ATP8B3: variants seen among roughly 807,000 people sequenced by gnomAD.
The protein encoded by ATP8B3 is ATPase phospholipid transporting 8B3.
ATP8B3 carries 141 observed loss-of-function variants against 140.9 expected under a neutral mutation model. The observed-to-expected ratio is 1.00, with a 90% confidence interval of 0.87 to 1.15. ATP8B3 has a LOEUF of 1.15. Ranked by LOEUF, ATP8B3 falls within the 50% of genes most tolerant of loss-of-function variation. The pLI is 0.00. For missense variants in ATP8B3, 1,874 were observed against 1,740.6 expected, an observed-to-expected ratio of 1.08 and a Z score of -1.36; for synonymous variants, 765 against 714.6, an observed-to-expected ratio of 1.07 and a Z score of -1.13.
chr19:1,801,395 C>T (rs2068842787), intron 12 of ATP8B3, among the ~76,000 whole-genome samples: 1 of 152,306 alleles, frequency 6.6e-6, no homozygotes, highest in Non-Finnish European at 1.5e-5. Flanking sequence ...AGGTGATTCA[C>T]CCACCTCGGC....
chr19:1,784,722 G>A lies in ATP8B3; in HGVS notation c.3660+97C>T, dbSNP rs562821518. The A allele has an allele frequency of 6.8e-5, 96 of 1,418,884 alleles. No homozygotes were observed. The African/African-American group carries it at 1.2e-3, about 17-fold the overall frequency. 87.9% of individuals were successfully genotyped at this position (1,418,884 alleles called of 1,614,324 possible). A position where few individuals can be genotyped will look rare whatever the true frequency, so the allele number is the denominator to read the frequency against. On this transcript the variant is annotated intron_variant, in intron 28 of 28. Coordinates refer to ENST00000310127, the MANE Select transcript of ATP8B3 (RefSeq NM_138813.4). ...GCCTAGTGTCTTGGAGGGCCGAGAG[G>A]GGCCGGGACACCTTGCAGTCCCTAC...
chr19:1,811,694 C>T lies in ATP8B3; in HGVS notation c.43G>A (p.Gly15Ser), dbSNP rs1437243299. 2 of 1,606,448 alleles carry T rather than the reference C, an allele frequency of 1.2e-6. No individual in the cohort carries two copies. The highest frequency in any genetic ancestry group is 2.7e-5 in the African/African-American group (2 of 74,912). The change falls in exon 2 of 29, where the codon GGC becomes AGC. Residue 15 changes from glycine to serine, a missense_variant. Coordinates refer to ENST00000310127, the MANE Select transcript of ATP8B3 (RefSeq NM_138813.4). ...GGTGGGGCAGGGCTTGGCTCAGGGC[C>T]AGCTCTGGTGCTCCTGGGAGTCTGA... is the stretch of plus-strand genomic sequence containing the variant. Reference protein sequence around the residue: ...PAQTPRSTRAGPEPSPAPPGP... With the variant: ...PAQTPRSTRASPEPSPAPPGP...
Position 1,809,693 on chromosome 19 carries a change from C to T in ATP8B3, c.352G>A (p.Gly118Arg), listed in dbSNP as rs376431598. ...KVQANNRAYN[G>R]QFKEKVILCW... ...AGGATCACCTTCTCCTTGAACTGCC[C>T]GTTGTAGGCACGGTTGTTGGCCTGG... The change falls in exon 4 of 29, where the codon GGG (glycine) becomes AGG (arginine). Residue 118 changes from glycine (G) to arginine (R), a missense_variant. Around this residue, in one of 3 missense-constraint regions of ATP8B3, gnomAD observed 1,032 missense variants for 963.6 expected, o/e 1.07. Transcript: ENST00000310127. 1.7e-5 allele frequency: 28 copies of T among 1,611,516 alleles called. No individual in the cohort carries two copies. The African/African-American group carries it at 3.2e-4, about 18-fold the overall frequency.
intron 12 of ATP8B3, among the ~76,000 whole-genome samples, chr19:1,801,516 T>G (rs2068845506): frequency 6.6e-6 from 1 of 152,100 alleles, no homozygotes; most frequent in African/African-American, 2.4e-5. Context: ...TTTGGGAGGC[T>G]GAGGAGGGCG....
At chr19:1,784,453 T>A (rs970415200) in intron 28 of ATP8B3, among the ~76,000 whole-genome samples, 1 of 152,126 alleles carries the variant, frequency 6.6e-6, no homozygotes, top group African/African-American at 2.4e-5. Context: ...AGGTCGAGGC[T>A]GCAGTGAGCC....
In ATP8B3 at chr19:1,782,814, C is replaced by T; in HGVS notation, c.*214G>A. On this transcript the variant is annotated 3_prime_UTR_variant, in exon 29 of 29. Coordinates refer to ENST00000310127, the MANE Select transcript of ATP8B3 (RefSeq NM_138813.4). ...TTGGGTGACAATGACCTCTCCTGTG[C>T]CCTTGGCAATTGCTCTTGGAAAGAC... 1 of 615,182 alleles carries T rather than the reference C, an allele frequency of 1.6e-6. No individual in the cohort carries two copies. 38.1% of individuals were successfully genotyped at this position (615,182 alleles called of 1,614,324 possible).
chr19:1,783,066 C>G lies in ATP8B3; in HGVS notation c.3865G>C (p.Asp1289His). ...DIASESLDPS[D>H]EEAASSPKES... is the part of the protein sequence containing the mutation. The stretch of plus-strand genomic sequence containing the variant: ...TTTGGGCTCGAAGCTGCCTCTTCAT[C>G]AGATGGGTCTAGGGATTCAGATGCT... The change falls in exon 29 of 29, where the codon GAT becomes CAT. Residue 1289 changes from aspartate to histidine, a missense_variant. Coordinates refer to ENST00000310127, the MANE Select transcript of ATP8B3 (RefSeq NM_138813.4). 6.2e-7 allele frequency: 1 copy of G among 1,612,410 alleles called. No homozygotes were observed. The highest frequency in any genetic ancestry group is 8.5e-7 in the Non-Finnish European group (1 of 1,179,324).
chr19:1,791,705 C>T lies in ATP8B3; in HGVS notation c.2302+45G>A, dbSNP rs773125519. ...TTCAAACTTCAGGGAAGTTTGAAGA[C>T]CCATGCTGCAGGGGCTTAGCCACCC... On this transcript the variant is annotated intron_variant, in intron 20 of 28. Coordinates refer to ENST00000310127, the MANE Select transcript of ATP8B3 (RefSeq NM_138813.4). 4 of 1,448,924 alleles carry T rather than the reference C, an allele frequency of 2.8e-6. No individual in the cohort carries two copies. The Admixed American group carries it at 5.1e-5, about 19-fold the overall frequency. 89.8% of individuals were successfully genotyped at this position (1,448,924 alleles called of 1,614,324 possible). A position where few individuals can be genotyped will look rare whatever the true frequency, so the allele number is the denominator to read the frequency against.
At chr19:1,783,837 C>CT (rs200066355) in intron 28 of ATP8B3, among the ~76,000 whole-genome samples, 3 of 152,254 alleles carry the variant, frequency 2.0e-5, no homozygotes, top group Admixed American at 2.0e-4. Context: ...CTAGTAAGTC[C>CT]CCTCCCTTTT....
At chr19:1,803,850 C>T (rs562235672) in intron 10 of ATP8B3, among the ~76,000 whole-genome samples, 30 of 146,938 alleles carry the variant, frequency 2.0e-4, no homozygotes, top group Admixed American at 1.9e-3. Context: ...GAACCAAGAT[C>T]GCGCCACTGC....
intron 14 of ATP8B3, 44 bp from the exon 15 acceptor site, chr19:1,797,049 C>G (rs368669564): frequency 6.2e-7 from 1 of 1,612,398 alleles, no homozygotes. Flanking sequence ...CACAGGCCCC[C>G]CATTCGGGAT....
chr19:1,785,999 G>A (rs2068294013), intron 25 of ATP8B3, among the ~76,000 whole-genome samples: 1 of 152,010 alleles, frequency 6.6e-6, no homozygotes, highest in South Asian at 2.1e-4. Context: ...TGGGTGTGGT[G>A]GTGCGCACCT....
intron 10 of ATP8B3, 104 bp from the exon 11 acceptor site, chr19:1,802,749 C>A (rs1186233459): frequency 1.5e-6 from 2 of 1,369,066 alleles, no homozygotes; most frequent in Admixed American, 4.2e-5. Context: ...CTCACGAGCC[C>A]CTCTGTGCCC....
chr19:1,802,417 C>CCA, intron 11 of ATP8B3, 70 bp downstream of exon 11: 1 of 625,314 alleles, frequency 1.6e-6, no homozygotes, highest in Non-Finnish European at 2.6e-6. Flanking sequence ...ACCCACCCAC[C>CCA]CATCCCCACA....
chr19:1,804,549 A>G (rs913626069), intron 10 of ATP8B3, among the ~76,000 whole-genome samples: 3 of 152,018 alleles, frequency 2.0e-5, no homozygotes, highest in Non-Finnish European at 2.9e-5. Flanking sequence ...CGGAGCTTGC[A>G]GTGAGCCGAG....
chr19:1,796,026 C>A (rs745351386), intron 17 of ATP8B3, 39 bp from the exon 18 acceptor site: 1 of 1,611,560 alleles, frequency 6.2e-7, no homozygotes, highest in East Asian at 2.2e-5. Context: ...AGAGGCTCCC[C>A]GTCTGCCCGC....
At chr19:1,795,067 G>GC (rs767683583) in intron 18 of ATP8B3, among the ~76,000 whole-genome samples, 5 of 151,932 alleles carry the variant, frequency 3.3e-5, no homozygotes, top group East Asian at 1.9e-4. Context: ...GACCAGCCTG[G>GC]CAACATGGTG....
At position 1,789,556 on chromosome 19, in the gene ATP8B3, CCT is replaced by C. The variant is rs915517877; in HGVS notation, c.2648_2649del (p.Gln883ArgfsTer7). Reference sequence around the variant, plus strand: ...TCGGAGCTACGGCGGGCTCTGGAGTCCTGGGCTGGCGGTGCAGCCAGCGGGAG... The same window carrying C: ...TCGGAGCTACGGCGGGCTCTGGAGTCGGGCTGGCGGTGCAGCCAGCGGGAG... The part of the protein sequence containing the change: ...FGLPLAAPPA[Q>X]DSRARRSSEV... On this transcript the variant is annotated frameshift_variant, in exon 23 of 29. Coordinates refer to ENST00000310127, the MANE Select transcript of ATP8B3 (RefSeq NM_138813.4). LOFTEE classifies it high-confidence loss of function. 1 of 1,595,484 alleles carries C rather than the reference CCT, an allele frequency of 6.3e-7. No individual in the cohort carries two copies. The highest frequency in any genetic ancestry group is 1.3e-5 in the African/African-American group (1 of 74,638).
At position 1,790,828 on chromosome 19, in the gene ATP8B3, C is replaced by T; in HGVS notation, c.2307G>A (p.Thr769=). The change falls in exon 21 of 29, where the codon ACG becomes ACA. Residue 769 remains threonine, a synonymous_variant. Coordinates refer to ENST00000310127, the MANE Select transcript of ATP8B3 (RefSeq NM_138813.4). Reference sequence around the variant, plus strand: ...CGCAGGCGAAGCCGATGTTCACAGCCGTTTCTGCGAAGCAGACCAGCTCAG... The same window carrying T: ...CGCAGGCGAAGCCGATGTTCACAGCTGTTTCTGCGAAGCAGACCAGCTCAG... ...IWVLTGDKQE[T]AVNIGFACEL... 1 of 1,598,774 alleles carries T rather than the reference C, an allele frequency of 6.3e-7. No individual in the cohort carries two copies. The highest frequency in any genetic ancestry group is 8.5e-7 in the Non-Finnish European group (1 of 1,174,104).
Sources: gnomAD v4.1 joint callset for allele counts (sites outside exome capture counted in the v4.1 genomes callset) on GRCh38, gnomAD v4.1.1 for gene constraint, gnomAD v4.1.1 regional missense constraint, MANE v1.5 for transcripts, NCBI Gene and HGNC (gene_info 2026-07-23, HGNC 2026-07-21) for gene names.